Variants in SLC7A1 observed in about 807,000 individuals in gnomAD.
SLC7A1 encodes the protein high affinity cationic amino acid transporter 1.
SLC7A1 carries 10 observed loss-of-function variants against 53.9 expected under a neutral mutation model. The ratio of observed to expected loss-of-function variants is 0.19; its 90% CI spans 0.11 to 0.31. The LOEUF is 0.31. Ranked by LOEUF, SLC7A1 falls within the 10% of genes least tolerant of loss-of-function variation. The probability of loss-of-function intolerance (pLI) is 1.00; values close to 1 mark genes in which losing one functional copy is unlikely to be tolerated. For synonymous variants in SLC7A1, 342 were observed against 338.7 expected (o/e 1.01, Z -0.11); for missense variants, 525 against 827.2 (o/e 0.63, Z 4.48).
intron 2 of SLC7A1, among the ~76,000 whole-genome samples, chr13:29,538,900 C>T (rs575904426): frequency 6.6e-6 from 1 of 152,244 alleles, no homozygotes; most frequent in South Asian, 2.1e-4. Flanking sequence ...TGTGAAAGCT[C>T]TTGTTTCGGA....
intron 7 of SLC7A1, among the ~76,000 whole-genome samples, chr13:29,522,873 T>C (rs944160414): frequency 2.6e-5 from 4 of 152,304 alleles, no homozygotes; most frequent in African/African-American, 4.8e-5. Flanking sequence ...GGAAATACGA[T>C]TGGTGAAAAT....
At position 29,517,298 on chromosome 13, in the gene SLC7A1, A is replaced by G. The variant is rs1173686772; in HGVS notation, c.1523T>C (p.Ile508Thr). The G allele has an allele frequency of 3.1e-6, 5 of 1,611,486 alleles. No individual in the cohort carries two copies. Among genetic ancestry groups the G allele is most frequent in the Admixed American group, 3.4e-5 (2 of 59,442 alleles). Residue 508 changes from isoleucine to threonine, a missense_variant, in exon 11 of 13, where the codon ATC becomes ACC. Ile to Thr is a moderately conservative substitution (Grantham distance 89, BLOSUM62 -1). Coordinates refer to ENST00000380752, the MANE Select transcript of SLC7A1 (RefSeq NM_003045.5). ...ISTSLIAVLI[I>T]TFCIVTVLGR... Reference sequence around the variant, plus strand: ...AAGCACGGTCACAATGCAGAAGGTGATGATGAGAACAGCTAAGGGGGAAGG... The same window carrying G: ...AAGCACGGTCACAATGCAGAAGGTGGTGATGAGAACAGCTAAGGGGGAAGG...
intron 12 of SLC7A1, among the ~76,000 whole-genome samples, chr13:29,515,403 A>C (rs1407362482): frequency 1.3e-5 from 2 of 152,238 alleles, no homozygotes; most frequent in Non-Finnish European, 2.9e-5. Flanking sequence ...CCCGGCTGCC[A>C]GCAGACAGTG....
chr13:29,587,850 T>C (rs34218459), intron 1 of SLC7A1, among the ~76,000 whole-genome samples: 3,498 of 152,248 alleles, frequency 0.023, 127 homozygotes, highest in African/African-American at 0.079. Context: ...CCCCAGGACT[T>C]GGCTGCGGGG....
intron 1 of SLC7A1, among the ~76,000 whole-genome samples, chr13:29,591,526 C>T (rs563297667): frequency 2.0e-5 from 3 of 152,136 alleles, no homozygotes; most frequent in South Asian, 2.1e-4. Flanking sequence ...CAATGCAGAA[C>T]TCACTGTGCA....
intron 5 of SLC7A1, among the ~76,000 whole-genome samples, chr13:29,524,782 C>A (rs1868806786): frequency 6.6e-6 from 1 of 152,252 alleles, no homozygotes; most frequent in African/African-American, 2.4e-5. Context: ...GAGGGCGCAG[C>A]TTTTGCCAGG....
intron 1 of SLC7A1, among the ~76,000 whole-genome samples, chr13:29,555,981 G>A (rs1870421528): frequency 1.3e-5 from 2 of 152,170 alleles, no homozygotes; most frequent in Non-Finnish European, 2.9e-5. Flanking sequence ...AGAGCTTACC[G>A]AGATGGCTTC....
chr13:29,565,464 A>G (rs774904855), intron 1 of SLC7A1, among the ~76,000 whole-genome samples: 1 of 152,212 alleles, frequency 6.6e-6, no homozygotes, highest in Admixed American at 6.5e-5. Flanking sequence ...TGGCCTCCCA[A>G]GAGGTGGGGA....
chr13:29,587,637 T>C (rs1287010723), intron 1 of SLC7A1, among the ~76,000 whole-genome samples: 4 of 151,700 alleles, frequency 2.6e-5, no homozygotes, highest in Non-Finnish European at 4.4e-5. Flanking sequence ...CAGACAAGAG[T>C]GGGCCTGCAA....
chr13:29,563,553 A>C (rs1435869828), intron 1 of SLC7A1, among the ~76,000 whole-genome samples: 1 of 152,234 alleles, frequency 6.6e-6, no homozygotes, highest in East Asian at 1.9e-4. Flanking sequence ...GCAGTAAAGG[A>C]TGAAAAGACG....
In SLC7A1 at chr13:29,516,133, C is replaced by T; in HGVS notation, c.1786+5G>A. The T allele has an allele frequency of 6.3e-7, 1 of 1,591,160 alleles. No homozygotes were observed. Among genetic ancestry groups the T allele is most frequent in the Non-Finnish European group, 8.6e-7 (1 of 1,159,978 alleles). On this transcript the variant is annotated splice_donor_5th_base_variant and intron_variant, in intron 12 of 12. Coordinates refer to ENST00000380752, the MANE Select transcript of SLC7A1 (RefSeq NM_003045.5). ...CTTGGACGTGCTGGCAGCAGCATCA[C>T]ATACCTATCAGCATCCACACAGCAA...
chr13:29,538,463 T>C (rs1869523309), intron 2 of SLC7A1, among the ~76,000 whole-genome samples: 1 of 152,152 alleles, frequency 6.6e-6, no homozygotes, highest in African/African-American at 2.4e-5. Flanking sequence ...TTCAGCAAGC[T>C]CTCATGCCAG....
rs1199931811 is a variant in SLC7A1, at chr13:29,509,753, T to TA, written c.*4726dup. 1 of 152,260 alleles carries TA rather than the reference T, an allele frequency of 6.6e-6. No homozygotes were observed. The highest frequency in any genetic ancestry group is 1.5e-5 in the Non-Finnish European group (1 of 67,976). 9.4% of individuals were successfully genotyped at this position (152,260 alleles called of 1,614,324 possible). A position where few individuals can be genotyped will look rare whatever the true frequency, so the allele number is the denominator to read the frequency against. On this transcript the variant is annotated 3_prime_UTR_variant, in exon 13 of 13. Coordinates refer to ENST00000380752, the MANE Select transcript of SLC7A1 (RefSeq NM_003045.5). ...CAAAAAAATATACAAATGTACATAA[T>TA]AAAAAACACACAACTCTTAATAATG...
chr13:29,580,810 C>T (rs1264321366), intron 1 of SLC7A1, among the ~76,000 whole-genome samples: 3 of 152,134 alleles, frequency 2.0e-5, no homozygotes, highest in South Asian at 2.1e-4. Flanking sequence ...ACCATACAAA[C>T]GAAATCAGAT....
chr13:29,557,369 T>C (rs1353469319), intron 1 of SLC7A1, among the ~76,000 whole-genome samples: 5 of 152,114 alleles, frequency 3.3e-5, no homozygotes, highest in African/African-American at 1.2e-4. Context: ...CATCCTTGTG[T>C]GAACATCCTG....
At chr13:29,534,380 A>G (rs545638293) in intron 3 of SLC7A1, among the ~76,000 whole-genome samples, 1 of 152,250 alleles carries the variant, frequency 6.6e-6, no homozygotes, top group Non-Finnish European at 1.5e-5. Flanking sequence ...CTCTGGAAAC[A>G]TAACGGTCCA....
At chr13:29,537,229 C>T (rs9550481) in intron 2 of SLC7A1, among the ~76,000 whole-genome samples, 13,370 of 152,246 alleles carry the variant, frequency 0.088, 1,658 homozygotes, top group East Asian at 0.62. Flanking sequence ...CCACCGCCTG[C>T]GGCAGGTGAC....
intron 2 of SLC7A1, among the ~76,000 whole-genome samples, chr13:29,543,942 A>T (rs777597488): frequency 2.0e-5 from 3 of 152,150 alleles, no homozygotes; most frequent in Non-Finnish European, 4.4e-5. Flanking sequence ...AACAGCTTCC[A>T]GGCACAGTGG....
At chr13:29,518,611 A>C (rs1344757934) in intron 9 of SLC7A1, among the ~76,000 whole-genome samples, 1 of 152,124 alleles carries the variant, frequency 6.6e-6, no homozygotes, top group Non-Finnish European at 1.5e-5. Flanking sequence ...CCTTGGGAGG[A>C]ATAAGGGGTC....
Sources: allele counts gnomAD v4.1 joint callset (sites outside exome capture counted in the v4.1 genomes callset), GRCh38; gene constraint gnomAD v4.1.1; transcripts MANE v1.5; gene names NCBI Gene and HGNC (gene_info 2026-07-23, HGNC 2026-07-21).